PTPRD: variants seen among roughly 807,000 people sequenced by gnomAD.
PTPRD encodes the protein receptor-type tyrosine-protein phosphatase delta.
In PTPRD, 34 loss-of-function variants were observed where a neutral mutation model predicts 214.5. The observed-to-expected ratio is 0.16, with a 90% CI of 0.12 to 0.21. The LOEUF is 0.21. PTPRD is among the 10% of genes least tolerant of loss of function. The pLI is 1.00. For synonymous variants in PTPRD, 1,128 were observed against 845.7 expected (o/e 1.33, Z -5.79); for missense variants, 2,545 against 2,398.7 (o/e 1.06, Z -1.27).
At chr9:10,116,310 A>C (rs2098730996) in intron 3 of PTPRD, among the ~76,000 whole-genome samples, 2 of 152,110 alleles carry the variant, frequency 1.3e-5, no homozygotes, top group African/African-American at 4.8e-5. Context: ...TACAATACTA[A>C]TATAGACAAA....
intron 44 of PTPRD, among the ~76,000 whole-genome samples, chr9:8,324,007 C>A (rs553812588): frequency 1.3e-5 from 2 of 152,044 alleles, no homozygotes; most frequent in African/African-American, 2.4e-5. Flanking sequence ...CAGAAACCAC[C>A]GCCCATCGAT....
chr9:9,237,575 C>G (rs1268045387), intron 9 of PTPRD, among the ~76,000 whole-genome samples: 1 of 152,160 alleles, frequency 6.6e-6, no homozygotes. Flanking sequence ...ATCTTCCCTT[C>G]CCCCAAAGCC....
chr9:8,898,720 C>T (rs1213803067), intron 11 of PTPRD, among the ~76,000 whole-genome samples: 1 of 152,028 alleles, frequency 6.6e-6, no homozygotes, highest in African/African-American at 2.4e-5. Context: ...ATTTTTCCCC[C>T]ACTGATGACA....
At chr9:8,773,364 G>A (rs1466837458) in intron 11 of PTPRD, among the ~76,000 whole-genome samples, 2 of 152,112 alleles carry the variant, frequency 1.3e-5, no homozygotes, top group Admixed American at 6.5e-5. Context: ...AGTTTGCCAA[G>A]TTTTAATTGA....
At chr9:8,669,012 C>T (rs1400391698) in intron 12 of PTPRD, among the ~76,000 whole-genome samples, 1 of 152,072 alleles carries the variant, frequency 6.6e-6, no homozygotes, top group Admixed American at 6.5e-5. Flanking sequence ...GAGCACTGAA[C>T]AGCTTTGTGG....
rs375202793 is a variant in PTPRD at position 9,949,998 on chromosome 9, C to G, written c.-471-11388G>C. Among the ~76,000 whole-genome samples the G allele has an allele frequency of 8.5e-5, 13 of 152,230 alleles. No homozygotes were observed. In the East Asian group the frequency reaches 1.2e-3, roughly 14 times the overall value. On this transcript the variant is annotated intron_variant, in intron 4 of 45. Coordinates refer to ENST00000381196, the MANE Select transcript of PTPRD (RefSeq NM_002839.4). ...TTTTGTTTCTGCAACCAAGCTATTT[C>G]CTTAAGTTTGATTCTTAACATAAAG...
At chr9:8,780,148 C>T (rs1462527436) in intron 11 of PTPRD, among the ~76,000 whole-genome samples, 1 of 152,106 alleles carries the variant, frequency 6.6e-6, no homozygotes, top group Non-Finnish European at 1.5e-5. Flanking sequence ...AATAAAACGA[C>T]TCTAAATTCA....
At chr9:8,725,432 T>C (rs1407582461) in intron 12 of PTPRD, among the ~76,000 whole-genome samples, 1 of 152,202 alleles carries the variant, frequency 6.6e-6, no homozygotes, top group East Asian at 1.9e-4. Flanking sequence ...TTAATGGGAC[T>C]GTGAAAGACA....
intron 11 of PTPRD, among the ~76,000 whole-genome samples, chr9:8,901,353 T>C (rs1262818898): frequency 4.6e-5 from 7 of 152,348 alleles, no homozygotes; most frequent in Non-Finnish European, 1.0e-4. Context: ...TCCTCAATTA[T>C]GACAGTGAAC....
chr9:9,389,278 A>C (rs933684509), intron 9 of PTPRD, among the ~76,000 whole-genome samples: 1 of 152,202 alleles, frequency 6.6e-6, no homozygotes, highest in Non-Finnish European at 1.5e-5. Flanking sequence ...TGGGAGGCCG[A>C]GGCAGGTGGA....
chr9:10,416,404 A>T (rs1176207708), intron 2 of PTPRD, among the ~76,000 whole-genome samples: 1 of 151,860 alleles, frequency 6.6e-6, no homozygotes, highest in Non-Finnish European at 1.5e-5. Context: ...CAAACACCCA[A>T]TGTTTGAAAT....
At chr9:8,581,188 T>A (rs879543083) in intron 14 of PTPRD, among the ~76,000 whole-genome samples, 1 of 151,484 alleles carries the variant, frequency 6.6e-6, no homozygotes, top group Non-Finnish European at 1.5e-5. Context: ...GCCTTAGGAA[T>A]ATATTATAAA....
intron 7 of PTPRD, among the ~76,000 whole-genome samples, chr9:9,613,789 G>A (rs924821911): frequency 1.3e-5 from 2 of 152,058 alleles, no homozygotes; most frequent in Non-Finnish European, 2.9e-5. Flanking sequence ...AGAGATCCTC[G>A]GGTGACTTGT....
chr9:9,026,844 T>A (rs551915375), intron 10 of PTPRD, among the ~76,000 whole-genome samples: 5 of 151,932 alleles, frequency 3.3e-5, no homozygotes, highest in African/African-American at 1.2e-4. Context: ...CCAAACCTCT[T>A]TTCTCTAAGC....
chr9:8,744,377 G>A (rs1453426225), intron 11 of PTPRD, among the ~76,000 whole-genome samples: 1 of 152,170 alleles, frequency 6.6e-6, no homozygotes, highest in African/African-American at 2.4e-5. Context: ...ATTTGCAACT[G>A]CAAAAATATG....
intron 39 of PTPRD, among the ~76,000 whole-genome samples, chr9:8,365,939 G>C (rs1187488463): frequency 6.6e-6 from 1 of 152,100 alleles, no homozygotes; most frequent in African/African-American, 2.4e-5. Context: ...AGACTTGCGA[G>C]AAAAAACAAA....
At chr9:9,616,461 A>C (rs998390169) in intron 7 of PTPRD, among the ~76,000 whole-genome samples, 1 of 152,188 alleles carries the variant, frequency 6.6e-6, no homozygotes, top group African/African-American at 2.4e-5. Flanking sequence ...TTCCAAATAC[A>C]TAAAGTTGTT....
chr9:8,550,951 C>A lies in PTPRD; in HGVS notation c.353-22172G>T, dbSNP rs547423249. Among the ~76,000 whole-genome samples the A allele has an allele frequency of 3.9e-5, 6 of 152,346 alleles. No individual in the cohort carries two copies. In the South Asian group the frequency reaches 1.0e-3, roughly 26 times the overall value. On this transcript the variant is annotated intron_variant, in intron 14 of 45. Coordinates refer to ENST00000381196, the MANE Select transcript of PTPRD (RefSeq NM_002839.4). The stretch of plus-strand genomic sequence containing the variant: ...TGAGCTTATGCTATAGCTCTCATAA[C>A]AATTACTCATCACCAACAATAGCAT...
At chr9:9,123,275 C>T (rs1290839355) in intron 10 of PTPRD, among the ~76,000 whole-genome samples, 1 of 152,210 alleles carries the variant, frequency 6.6e-6, no homozygotes, top group Admixed American at 6.5e-5. Flanking sequence ...TATTGGAAAC[C>T]CAGGTGTTGG....
Sources: allele counts gnomAD v4.1 joint callset (sites outside exome capture counted in the v4.1 genomes callset), GRCh38; gene constraint gnomAD v4.1.1; transcripts MANE v1.5; gene names NCBI Gene and HGNC (gene_info 2026-07-23, HGNC 2026-07-21).